COL13A1: variants seen among roughly 807,000 people sequenced by gnomAD.
COL13A1 encodes collagen alpha-1(XIII) chain.
Under a neutral mutation model 130.9 loss-of-function variants are expected in COL13A1, and 89 were observed. The ratio of observed to expected loss-of-function variants is 0.68; its 90% CI spans 0.57 to 0.81. The LOEUF (loss-of-function observed/expected upper bound fraction) is 0.81. Ranked by LOEUF, COL13A1 falls within the 30% of genes least tolerant of loss-of-function variation. COL13A1 has a pLI of 0.00. For missense variants in COL13A1, 879 were observed against 934.6 expected (o/e 0.94, Z 0.78); for synonymous variants, 402 against 341.6 (o/e 1.18, Z -1.95).
At chr10:69,859,486 T>C (rs1000332153) in intron 2 of COL13A1, among the ~76,000 whole-genome samples, 2 of 152,236 alleles carry the variant, frequency 1.3e-5, no homozygotes, top group African/African-American at 4.8e-5. Context: ...GGCAGGGCAC[T>C]GGCCAGCAGA....
chr10:69,846,490 C>T (rs1352145852), intron 2 of COL13A1, among the ~76,000 whole-genome samples: 2 of 152,160 alleles, frequency 1.3e-5, no homozygotes, highest in Non-Finnish European at 2.9e-5. Context: ...CCCACTGCCC[C>T]GGGAAGGTGC....
chr10:69,944,443 C>T lies in COL13A1; in HGVS notation c.1968+265C>T, dbSNP rs541070218. On this transcript the variant is annotated intron_variant, in intron 36 of 40. Transcript: ENST00000645393. Reference sequence around the variant, plus strand: ...GGCCAGGTTGGGAGGATCACTTGAGCTCAGGAGTCTGAGACCAGCCTGGAC... The same window carrying T: ...GGCCAGGTTGGGAGGATCACTTGAGTTCAGGAGTCTGAGACCAGCCTGGAC... 6.4e-4 allele frequency among the ~76,000 whole-genome samples: 97 copies of T among 152,240 alleles called. 1 individual carries two copies. In the South Asian group the frequency reaches 0.013, roughly 20 times the overall value.
At chr10:69,802,745 TC>T (rs749930881) in intron 1 of COL13A1, 28 bp downstream of exon 1, 1 of 1,606,626 alleles carries the variant, frequency 6.2e-7, no homozygotes, top group Non-Finnish European at 8.5e-7. Context: ...CTGGCTTTTA[TC>T]CCTCCCCGCG....
intron 2 of COL13A1, among the ~76,000 whole-genome samples, chr10:69,841,394 T>C (rs12259054): frequency 0.23 from 34,395 of 152,090 alleles, 5,082 homozygotes; most frequent in African/African-American, 0.42. Flanking sequence ...CTGTCTCCCC[T>C]CTGGACAGTT....
chr10:69,802,803 C>T, intron 1 of COL13A1, 86 bp downstream of exon 1: 1 of 1,535,252 alleles, frequency 6.5e-7, no homozygotes, highest in Non-Finnish European at 8.9e-7. Context: ...TGTCCGCGGG[C>T]GCTCGCTCTC....
chr10:69,902,799 C>T lies in COL13A1; in HGVS notation c.802C>T (p.Pro268Ser), dbSNP rs1204554820. The change falls in exon 15 of 41, where the codon CCT (proline) becomes TCT (serine). Residue 268 changes from proline (P) to serine (S), a missense_variant. Pro to Ser is a moderately conservative substitution (Grantham distance 74). Around this residue, in one of 3 missense-constraint regions of COL13A1, gnomAD observed 715 missense variants for 721.0 expected, o/e 0.99. Transcript: ENST00000645393. ...IQGPPGPPGP[P>S]GPSGPLGHPG... ...AGGTCCACCAGGGCCCCCAGGCCCC[C>T]CTGGACCAAGTGGACCTCTGGGGCA... 5 of 1,553,672 alleles carry T rather than the reference C, an allele frequency of 3.2e-6. No individual in the cohort carries two copies. Among genetic ancestry groups the T allele is most frequent in the Non-Finnish European group, 4.4e-6 (5 of 1,148,114 alleles).
chr10:69,875,241 A>T (rs2059462284), intron 5 of COL13A1, 78 bp downstream of exon 5: 4 of 1,571,866 alleles, frequency 2.5e-6, no homozygotes, highest in Non-Finnish European at 3.5e-6. Context: ...AACCATGGCA[A>T]TGTGCTGTCT....
At position 69,802,126 on chromosome 10, in the gene COL13A1, T is replaced by C. The variant is rs1354544480; in HGVS notation, c.-298T>C. On this transcript the variant is annotated 5_prime_UTR_variant, in exon 1 of 41. Transcript: ENST00000645393. ...TCTGCAGACACTTGAAGGGAAAGAC[T>C]GGGCGGAGAGAAGGAGAGCCGGTCA... 4 of 355,770 alleles carry C rather than the reference T, an allele frequency of 1.1e-5. No individual in the cohort carries two copies. The East Asian group carries it at 2.1e-4, about 19-fold the overall frequency. The allele number at this position is 355,770 out of a possible 1,614,324, so 22.0% of individuals were successfully genotyped here.
At chr10:69,843,337 TTCAAATCC>T (rs1174998299) in intron 2 of COL13A1, among the ~76,000 whole-genome samples, 2 of 152,130 alleles carry the variant, frequency 1.3e-5, no homozygotes, top group Non-Finnish European at 2.9e-5. Flanking sequence ...CAACCATGGG[TTCAAATCC>T]TGCCTTTGTC....
chr10:69,902,364 G>A (rs369223723), intron 14 of COL13A1, among the ~76,000 whole-genome samples: 2 of 152,202 alleles, frequency 1.3e-5, no homozygotes, highest in Admixed American at 1.3e-4. Context: ...TCGCCACACA[G>A]GGAGGGTGAC....
intron 2 of COL13A1, among the ~76,000 whole-genome samples, chr10:69,836,874 G>A (rs888511362): frequency 1.3e-5 from 2 of 152,098 alleles, no homozygotes; most frequent in African/African-American, 2.4e-5. Flanking sequence ...AAGATGCCCA[G>A]CAGGCGGTGG....
At chr10:69,833,513 T>C (rs1041301288) in intron 2 of COL13A1, among the ~76,000 whole-genome samples, 2 of 152,106 alleles carry the variant, frequency 1.3e-5, no homozygotes, top group Admixed American at 6.5e-5. Context: ...GCAAAGTTCC[T>C]TGGTTCAGGG....
chr10:69,865,333 G>A (rs1162557358), intron 2 of COL13A1, among the ~76,000 whole-genome samples: 3 of 152,238 alleles, frequency 2.0e-5, no homozygotes, highest in African/African-American at 7.2e-5. Flanking sequence ...ATTTTGCAAA[G>A]CCATCAGCTC....
intron 34 of COL13A1, among the ~76,000 whole-genome samples, chr10:69,939,849 G>T (rs949158657): frequency 6.6e-6 from 1 of 152,204 alleles, no homozygotes; most frequent in Non-Finnish European, 1.5e-5. Flanking sequence ...TCCCAGAATC[G>T]TGTGGTCCTA....
chr10:69,821,663 C>A (rs1846105803), intron 1 of COL13A1, among the ~76,000 whole-genome samples: 1 of 152,196 alleles, frequency 6.6e-6, no homozygotes, highest in South Asian at 2.1e-4. Flanking sequence ...AGTAAGAGTC[C>A]TTATGAGACC....
At chr10:69,898,648 T>G in intron 13 of COL13A1, 49 bp from the exon 14 acceptor site, 2 of 1,557,690 alleles carry the variant, frequency 1.3e-6, no homozygotes, top group Non-Finnish European at 1.8e-6. Context: ...TGAATACCTG[T>G]GATCTTTGGC....
At chr10:69,889,167 C>A (rs1184475879) in intron 9 of COL13A1, among the ~76,000 whole-genome samples, 1 of 152,230 alleles carries the variant, frequency 6.6e-6, no homozygotes, top group Non-Finnish European at 1.5e-5. Flanking sequence ...AGACTACCCC[C>A]ACCCCTGCTC....
chr10:69,929,648 A>C (rs1375401832), intron 28 of COL13A1, among the ~76,000 whole-genome samples: 3 of 152,130 alleles, frequency 2.0e-5, no homozygotes, highest in African/African-American at 7.2e-5. Context: ...AGATGAAAGG[A>C]GCACCCTGTG....
intron 12 of COL13A1, among the ~76,000 whole-genome samples, chr10:69,895,240 T>A (rs1589360471): frequency 6.6e-6 from 1 of 152,092 alleles, no homozygotes; most frequent in South Asian, 2.1e-4. Flanking sequence ...GCCTAGAGGG[T>A]CAACCTTTCG....
Sources: gnomAD v4.1 joint callset for allele counts (sites outside exome capture counted in the v4.1 genomes callset) on GRCh38, gnomAD v4.1.1 for gene constraint, gnomAD v4.1.1 regional missense constraint, MANE v1.5 for transcripts, NCBI Gene and HGNC (gene_info 2026-07-23, HGNC 2026-07-21) for gene names.